HLA-F: variants seen among roughly 807,000 people sequenced by gnomAD.
The protein encoded by HLA-F is HLA class I histocompatibility antigen, alpha chain F.
Under a neutral mutation model 49.5 loss-of-function variants are expected in HLA-F, and 46 were observed. The observed-to-expected ratio is 0.93, with a 90% CI of 0.73 to 1.19. The LOEUF is 1.19. HLA-F is among the 50% of genes most tolerant of loss of function. HLA-F has a pLI of 0.00. For synonymous variants in HLA-F, 203 were observed against 233.5 expected (o/e 0.87, Z 1.19); for missense variants, 496 against 579.6 (o/e 0.86, Z 1.48).
downstream of HLA-F, chr6:29,727,967 T>A (rs1279198848): frequency 3.9e-6 from 2 of 518,988 alleles, no homozygotes; most frequent in Non-Finnish European, 3.8e-6. Flanking sequence ...GCCCAGCTCC[T>A]GAGTGTCTCT....
In HLA-F at chr6:29,723,442, C is replaced by T; in HGVS notation, c.-22C>T. On this transcript the variant is annotated 5_prime_UTR_variant, in exon 1 of 7. Transcript: ENST00000259951. Reference sequence around the variant, plus strand: ...CGCACCCCGCGGGACTCATATTTTTCCCAGACGCGGAGGTTGGGGTCATGG... The same window carrying T: ...CGCACCCCGCGGGACTCATATTTTTTCCAGACGCGGAGGTTGGGGTCATGG... 2 of 1,613,106 alleles carry T rather than the reference C, an allele frequency of 1.2e-6. No individual in the cohort carries two copies. The highest frequency in any genetic ancestry group is 1.7e-6 in the Non-Finnish European group (2 of 1,179,824).
chr6:29,728,870 C>T (rs1175128060), downstream of HLA-F: 4 of 152,184 alleles, frequency 2.6e-5, no homozygotes, highest in African/African-American at 9.6e-5. Context: ...CTCCCTTCAG[C>T]GACGCATTGT....
At chr6:29,729,535 TA>T (rs1442540079), downstream of HLA-F, among the ~76,000 whole-genome samples, 1 of 152,234 alleles carries the variant, frequency 6.6e-6, no homozygotes, top group Admixed American at 6.5e-5. Context: ...GAGTTCAACC[TA>T]TAAATCTTTT....
In HLA-F at chr6:29,727,138, A is replaced by G. The variant is rs1776189701; in HGVS notation, c.1292A>G (p.His431Arg). Residue 431 changes from histidine (H) to arginine (R), a missense_variant, in exon 7 of 7, where the codon CAT becomes CGT. His to Arg is a conservative substitution (Grantham distance 29, BLOSUM62 0). Transcript: ENST00000259951. ...AGCTTCCTTCTTCGTTCTTGGCACC[A>G]TCTTATGAAAAGGGTCCAGATTAAG... ...GRSFLLRSWH[H>R]LMKRVQIKIF... 5 of 1,604,052 alleles carry G rather than the reference A, an allele frequency of 3.1e-6. No homozygotes were observed. The highest frequency in any genetic ancestry group is 2.2e-5 in the East Asian group (1 of 44,854).
chr6:29,728,232 G>A (rs1171228037), downstream of HLA-F: 1 of 379,416 alleles, frequency 2.6e-6, no homozygotes, highest in East Asian at 7.3e-5. Context: ...TCTCCCTTGA[G>A]TACAAGCTTC....
chr6:29,731,030 C>T (rs1776534029), downstream of HLA-F, among the ~76,000 whole-genome samples: 1 of 152,068 alleles, frequency 6.6e-6, no homozygotes, highest in Admixed American at 6.5e-5. Context: ...GTCCCATGGT[C>T]AAGTTCTCAG....
Position 29,725,527 on chromosome 6 carries a change from G to A in HLA-F, c.967G>A (p.Val323Met). The A allele has an allele frequency of 6.2e-6, 10 of 1,614,126 alleles. No individual in the cohort carries two copies. The highest frequency in any genetic ancestry group is 8.5e-6 in the Non-Finnish European group (10 of 1,179,960). Residue 323 changes from valine (V) to methionine (M), a missense_variant, in exon 5 of 7, where the codon GTG (valine) becomes ATG (methionine). By Grantham distance (21) the Val-to-Met change is conservative. Coordinates refer to ENST00000259951, the MANE Select transcript of HLA-F (RefSeq NM_001098479.2). Reference sequence around the variant, plus strand: ...CCTTGGAGCTGTGGTCACTGGAGCTGTGGTCGCTGCTGTGATGTGGAGGAA... The same window carrying A: ...CCTTGGAGCTGTGGTCACTGGAGCTATGGTCGCTGCTGTGATGTGGAGGAA... ...VVLGAVVTGA[V>M]VAAVMWRKKS...
chr6:29,725,177 G>A lies in HLA-F; in HGVS notation c.757G>A (p.Glu253Lys). The part of the protein sequence containing the change: ...EEQTQDTELV[E>K]TRPAGDGTFQ... ...ACAGACCCAGGACACAGAGCTTGTG[G>A]AGACCAGGCCTGCAGGGGATGGAAC... The change falls in exon 4 of 7, where the codon GAG (glutamate) becomes AAG (lysine). Residue 253 changes from glutamate (E) to lysine (K), a missense_variant. Coordinates refer to ENST00000259951, the MANE Select transcript of HLA-F (RefSeq NM_001098479.2). 1 of 1,614,112 alleles carries A rather than the reference G, an allele frequency of 6.2e-7. No individual in the cohort carries two copies. The highest frequency in any genetic ancestry group is 1.3e-5 in the African/African-American group (1 of 75,046).
At chr6:29,737,296 T>A (rs1428460474) in intron 3 of HLA-F, among the ~76,000 whole-genome samples, 1 of 137,444 alleles carries the variant, frequency 7.3e-6, no homozygotes, top group Non-Finnish European at 1.5e-5. Context: ...AAAATACAGG[T>A]CATAGAGATA....
At chr6:29,724,546 G>T (rs1368145805) in intron 3 of HLA-F, 98 bp downstream of exon 3, 2 of 1,264,750 alleles carry the variant, frequency 1.6e-6, no homozygotes, top group Admixed American at 4.1e-5. Flanking sequence ...CTAGGATATC[G>T]CCCTCCCTCT....
At position 29,723,783 on chromosome 6, in the gene HLA-F, C is replaced by G. The variant is rs1042826143; in HGVS notation, c.190C>G (p.Pro64Ala). 30 of 1,609,772 alleles carry G rather than the reference C, an allele frequency of 1.9e-5. No homozygotes were observed. The highest frequency in any genetic ancestry group is 2.5e-5 in the Non-Finnish European group (29 of 1,178,644). ...FLRFDSDAAI[P>A]RMEPREPWVE... Reference sequence around the variant, plus strand: ...GCGGTTCGACAGCGACGCCGCGATTCCGAGGATGGAGCCGCGGGAGCCGTG... The same window carrying G: ...GCGGTTCGACAGCGACGCCGCGATTGCGAGGATGGAGCCGCGGGAGCCGTG... Residue 64 changes from proline (P) to alanine (A), a missense_variant, in exon 2 of 7, where the codon CCG becomes GCG. By Grantham distance (27) the Pro-to-Ala change is conservative. Coordinates refer to ENST00000259951, the MANE Select transcript of HLA-F (RefSeq NM_001098479.2).
At chr6:29,730,799 A>G (rs372421714), downstream of HLA-F, among the ~76,000 whole-genome samples, 6 of 151,940 alleles carry the variant, frequency 3.9e-5, no homozygotes, top group African/African-American at 1.5e-4. Context: ...GGCACAATGA[A>G]ACCTCAGTCT....
rs1775659625 is a variant in HLA-F, at chr6:29,723,876, G to A, written c.283G>A (p.Asp95Asn). Residue 95 changes from aspartate (D) to asparagine (N), a missense_variant, in exon 2 of 7, where the codon GAC becomes AAC. By Grantham distance (23) the Asp-to-Asn change is conservative. Transcript: ENST00000259951. Reference protein sequence around the residue: ...TGYAKANAQTDRVALRNLLRR... With the variant: ...TGYAKANAQTNRVALRNLLRR... ...GTACGCCAAGGCCAACGCACAGACT[G>A]ACCGAGTGGCCCTGAGGAACCTGCT... The A allele has an allele frequency of 6.3e-7, 1 of 1,595,520 alleles. No homozygotes were observed. Among genetic ancestry groups the A allele is most frequent in the Non-Finnish European group, 8.5e-7 (1 of 1,171,194 alleles).
chr6:29,733,180 T>C (rs1363731712), intron 3 of HLA-F, among the ~76,000 whole-genome samples: 1 of 148,758 alleles, frequency 6.7e-6, no homozygotes, highest in Non-Finnish European at 1.5e-5. Flanking sequence ...CAAAGTGAAA[T>C]TGTGTTTCAG....
downstream of HLA-F, among the ~76,000 whole-genome samples, chr6:29,729,977 G>GT (rs1475400568): frequency 6.6e-6 from 1 of 152,176 alleles, no homozygotes; most frequent in Non-Finnish European, 1.5e-5. Flanking sequence ...GTGTACAGTG[G>GT]TACAGCGACC....
downstream of HLA-F, chr6:29,728,360 C>A: frequency 3.2e-6 from 1 of 316,110 alleles, no homozygotes. Context: ...GGTCCAGGAA[C>A]CCACCTTCCC....
intron 2 of HLA-F, 80 bp downstream of exon 2, chr6:29,724,007 G>A (rs1395832804): frequency 6.4e-7 from 1 of 1,552,340 alleles, no homozygotes; most frequent in East Asian, 2.4e-5. Context: ...AGAGTCTCCG[G>A]ATCCGAAATC....
chr6:29,729,185 T>TGTTCTA (rs1776361733), downstream of HLA-F: 1 of 152,210 alleles, frequency 6.6e-6, no homozygotes, highest in African/African-American at 2.4e-5. Flanking sequence ...TGTCTAGTGA[T>TGTTCTA]GTTCTAGTCT....
At chr6:29,731,382 C>T (rs1776595911), downstream of HLA-F, among the ~76,000 whole-genome samples, 1 of 152,094 alleles carries the variant, frequency 6.6e-6, no homozygotes. Context: ...AAGACAGTAG[C>T]CTGGCTCAGT....
Sources: allele counts gnomAD v4.1 joint callset (sites outside exome capture counted in the v4.1 genomes callset), GRCh38; gene constraint gnomAD v4.1.1; transcripts MANE v1.5; gene names NCBI Gene and HGNC (gene_info 2026-07-23, HGNC 2026-07-21).